Variants in TANK observed in about 807,000 individuals in gnomAD.
The protein encoded by TANK is TRAF family member associated NFKB activator.
TANK carries 15 observed loss-of-function variants against 43.6 expected under a neutral mutation model. The ratio of observed to expected loss-of-function variants is 0.34; its 90% CI spans 0.23 to 0.53. The LOEUF (loss-of-function observed/expected upper bound fraction) is 0.53, where lower values mean the gene tolerates loss of function less well. Among genes scored for constraint, TANK ranks in the 20% least tolerant of loss-of-function variants. The pLI, the probability that TANK is intolerant of heterozygous loss-of-function variation, is 0.94. For missense variants in TANK, 417 were observed against 498.6 expected, an observed-to-expected ratio of 0.84 and a Z score of 1.56; for synonymous variants, 162 against 178.2, an observed-to-expected ratio of 0.91 and a Z score of 0.73.
intron 4 of TANK, among the ~76,000 whole-genome samples, chr2:161,215,572 T>G (rs536670899): frequency 6.6e-6 from 1 of 152,200 alleles, no homozygotes; most frequent in Non-Finnish European, 1.5e-5. Context: ...CTAGGTACTC[T>G]GTTTTTTTAA....
chr2:161,208,960 G>T (rs1191007820), intron 4 of TANK, among the ~76,000 whole-genome samples: 1 of 152,148 alleles, frequency 6.6e-6, no homozygotes, highest in Non-Finnish European at 1.5e-5. Flanking sequence ...AGCAACACAG[G>T]TATTGTAGAT....
Position 161,231,393 on chromosome 2 carries a change from G to T in TANK, c.943G>T (p.Val315Leu), listed in dbSNP as rs774311666. 1.9e-6 allele frequency: 3 copies of T among 1,613,930 alleles called. No homozygotes were observed. Among genetic ancestry groups the T allele is most frequent in the South Asian group, 1.1e-5 (1 of 91,080 alleles). ...TTDKTKPSNL[V>L]NTCIRTTLDR... is the part of the protein sequence containing the mutation. ...TGACAAAACAAAGCCCTCAAATCTC[G>T]TAAACACTTGTATCAGGACAACTCT... Residue 315 changes from valine to leucine, a missense_variant, in exon 7 of 8, where the codon GTA becomes TTA. Val to Leu is a conservative substitution (Grantham distance 32). Transcript: ENST00000392749.
At chr2:161,220,781 G>T (rs1321738981) in intron 4 of TANK, among the ~76,000 whole-genome samples, 1 of 152,082 alleles carries the variant, frequency 6.6e-6, no homozygotes, top group East Asian at 1.9e-4. Flanking sequence ...ACAAAAGCAG[G>T]TGTTAAGGAA....
chr2:161,207,284 C>T (rs541084893), intron 4 of TANK: 10 of 503,462 alleles, frequency 2.0e-5, no homozygotes, highest in South Asian at 1.7e-4. Context: ...TTTGGGCAGA[C>T]GGTAAGAGGA....
intron 1 of TANK, among the ~76,000 whole-genome samples, chr2:161,169,487 A>G (rs557950162): frequency 6.6e-6 from 1 of 152,338 alleles, no homozygotes; most frequent in South Asian, 2.1e-4. Flanking sequence ...GGTAGGGGAT[A>G]TTTAAAGAGA....
At chr2:161,144,496 A>G (rs1006889844) in intron 1 of TANK, among the ~76,000 whole-genome samples, 6 of 152,102 alleles carry the variant, frequency 3.9e-5, no homozygotes, top group African/African-American at 1.4e-4. Context: ...AGATTCTGGT[A>G]CATCATCTCG....
chr2:161,218,500 A>G (rs190089869), intron 4 of TANK, among the ~76,000 whole-genome samples: 14 of 152,298 alleles, frequency 9.2e-5, no homozygotes, highest in Middle Eastern at 3.4e-3. Flanking sequence ...CTTCAAAGCA[A>G]ATTTAAAAAT....
intron 1 of TANK, chr2:161,161,197 A>C: frequency 6.7e-7 from 1 of 1,502,434 alleles, no homozygotes. Flanking sequence ...AGGATAATCA[A>C]AGAAGAGCTG....
intron 1 of TANK, among the ~76,000 whole-genome samples, chr2:161,167,223 C>T (rs1684723206): frequency 1.3e-5 from 2 of 152,330 alleles, no homozygotes; most frequent in East Asian, 3.9e-4. Flanking sequence ...AAAATCCTAC[C>T]TTTAAGCCTT....
intron 2 of TANK, among the ~76,000 whole-genome samples, chr2:161,189,797 A>T (rs142107535): frequency 1.5e-3 from 224 of 152,326 alleles, no homozygotes; most frequent in African/African-American, 5.3e-3. Context: ...TCACATTTTC[A>T]TTAATTGGAC....
intron 1 of TANK, among the ~76,000 whole-genome samples, chr2:161,176,199 A>G (rs1685167650): frequency 6.6e-6 from 1 of 152,170 alleles, no homozygotes; most frequent in Non-Finnish European, 1.5e-5. Context: ...TCTTAATTTT[A>G]TACTTAACAA....
chr2:161,177,221 A>G (rs1685208371), intron 1 of TANK, among the ~76,000 whole-genome samples: 1 of 152,214 alleles, frequency 6.6e-6, no homozygotes, highest in Non-Finnish European at 1.5e-5. Flanking sequence ...TGGAATGCAT[A>G]AAGAATTGCC....
chr2:161,147,598 C>T (rs559846361), intron 1 of TANK, among the ~76,000 whole-genome samples: 14 of 152,270 alleles, frequency 9.2e-5, no homozygotes, highest in African/African-American at 2.9e-4. Context: ...GGTGGGCCAC[C>T]GCACCATAAT....
At chr2:161,218,488 C>A (rs745472613) in intron 4 of TANK, among the ~76,000 whole-genome samples, 1 of 152,180 alleles carries the variant, frequency 6.6e-6, no homozygotes, top group Non-Finnish European at 1.5e-5. Flanking sequence ...ATTATTTGAT[C>A]TCTTCAAAGC....
chr2:161,183,554 A>T (rs1025435747), intron 2 of TANK, among the ~76,000 whole-genome samples: 1 of 152,188 alleles, frequency 6.6e-6, no homozygotes, highest in Non-Finnish European at 1.5e-5. Flanking sequence ...TTGGTAAGCA[A>T]TTGGGAGTTT....
intron 1 of TANK, chr2:161,161,250 T>C: frequency 6.5e-7 from 1 of 1,549,056 alleles, no homozygotes; most frequent in Non-Finnish European, 8.7e-7. Context: ...TAAAGCAGCC[T>C]TGCTATGTAA....
chr2:161,164,280 CT>C (rs1684574145), intron 1 of TANK, among the ~76,000 whole-genome samples: 1 of 152,154 alleles, frequency 6.6e-6, no homozygotes, highest in Non-Finnish European at 1.5e-5. Context: ...TTTCTAACAC[CT>C]TATAAGCATA....
At chr2:161,150,937 T>G (rs1684062862) in intron 1 of TANK, among the ~76,000 whole-genome samples, 1 of 152,220 alleles carries the variant, frequency 6.6e-6, no homozygotes, top group African/African-American at 2.4e-5. Flanking sequence ...AATTTTCCTC[T>G]GAGCACTGTT....
intron 1 of TANK, chr2:161,161,420 A>C: frequency 6.4e-7 from 1 of 1,550,866 alleles, no homozygotes; most frequent in Non-Finnish European, 8.7e-7. Flanking sequence ...GAGGTAGCAG[A>C]GAAGCAAGCA....
Sources: gnomAD v4.1 joint callset for allele counts (sites outside exome capture counted in the v4.1 genomes callset) on GRCh38, gnomAD v4.1.1 for gene constraint, MANE v1.5 for transcripts, NCBI Gene and HGNC (gene_info 2026-07-23, HGNC 2026-07-21) for gene names.